The following PTPRM variants were observed in gnomAD, a reference collection of about 807,000 sequenced individuals.
The protein encoded by PTPRM is receptor-type tyrosine-protein phosphatase mu.
A neutral mutation model predicts 186.7 loss-of-function variants in PTPRM; 47 were observed. The observed-to-expected ratio is 0.25, with a 90% CI of 0.20 to 0.32. The LOEUF is 0.32. PTPRM is among the 10% of genes least tolerant of loss of function. The pLI is 1.00. For synonymous variants in PTPRM, 668 were observed against 674.9 expected (o/e 0.99, Z 0.16); for missense variants, 1,494 against 1,865.0 (o/e 0.80, Z 3.66).
chr18:7,575,740 C>T (rs1420822452), intron 1 of PTPRM, among the ~76,000 whole-genome samples: 4 of 152,150 alleles, frequency 2.6e-5, no homozygotes, highest in Non-Finnish European at 5.9e-5. Context: ...ATCTTTAGGA[C>T]ATGGCTTGTC....
At chr18:7,635,343 C>T (rs7227163) in intron 1 of PTPRM, among the ~76,000 whole-genome samples, 5,473 of 152,250 alleles carry the variant, frequency 0.036, 359 homozygotes, top group African/African-American at 0.13. Flanking sequence ...TTCCTTTCTG[C>T]TCTTCCACCA....
At chr18:7,623,783 AC>A (rs1040631395) in intron 1 of PTPRM, among the ~76,000 whole-genome samples, 4 of 151,972 alleles carry the variant, frequency 2.6e-5, no homozygotes, top group African/African-American at 9.7e-5. Context: ...CACTTTACTT[AC>A]CCCCAGAACA....
rs77792106 is a variant in PTPRM, at chr18:7,817,444, A to G, written c.196+43173A>G. Among the ~76,000 whole-genome samples the G allele has an allele frequency of 2.3e-3, 343 of 152,372 alleles. 3 individuals carry two copies. Among genetic ancestry groups the G allele is most frequent in the Non-Finnish European group, 3.4e-3 (234 of 68,036 alleles). Reference sequence around the variant, plus strand: ...AATAAGTTGATAGAAATGTAATATTAGATACCATTTGGGGTTATTATTGTA... The same window carrying G: ...AATAAGTTGATAGAAATGTAATATTGGATACCATTTGGGGTTATTATTGTA... On this transcript the variant is annotated intron_variant, in intron 2 of 32. Coordinates refer to ENST00000580170, the MANE Select transcript of PTPRM (RefSeq NM_001105244.2).
chr18:8,151,477 C>G, intron 14 of PTPRM, among the ~76,000 whole-genome samples: 1 of 130,816 alleles, frequency 7.6e-6, no homozygotes, highest in Non-Finnish European at 1.7e-5. Flanking sequence ...CCCCACCGCC[C>G]CCCCCCGCCC....
intron 31 of PTPRM, among the ~76,000 whole-genome samples, chr18:8,393,387 T>C (rs912806952): frequency 2.6e-5 from 4 of 152,234 alleles, no homozygotes; most frequent in South Asian, 2.1e-4. Flanking sequence ...TACTTTCTAC[T>C]TCTGTGTTCT....
chr18:8,210,037 GCTCATGC>G (rs71165772), intron 14 of PTPRM, among the ~76,000 whole-genome samples: 39,458 of 146,964 alleles, frequency 0.27, 5,491 homozygotes, highest in Middle Eastern at 0.5. Context: ...GGGCAAGGTG[GCTCATGC>G]CTCATGCCTA....
chr18:7,921,951 T>A (rs993518168), intron 4 of PTPRM, among the ~76,000 whole-genome samples: 1 of 152,238 alleles, frequency 6.6e-6, no homozygotes, highest in Admixed American at 6.5e-5. Flanking sequence ...TATGTCTATG[T>A]CTTTGCATTG....
At chr18:8,215,552 T>TTC (rs2094070882) in intron 14 of PTPRM, among the ~76,000 whole-genome samples, 1 of 144,754 alleles carries the variant, frequency 6.9e-6, no homozygotes, top group African/African-American at 2.5e-5. Flanking sequence ...TTTCTTTTTT[T>TTC]TTTTTTTTTT....
intron 2 of PTPRM, among the ~76,000 whole-genome samples, chr18:7,856,810 G>A (rs975939436): frequency 2.6e-5 from 4 of 151,422 alleles, no homozygotes; most frequent in Admixed American, 2.6e-4. Context: ...CCATATCTAA[G>A]CTGTAGACAG....
intron 8 of PTPRM, among the ~76,000 whole-genome samples, chr18:8,075,061 A>C (rs1239951988): frequency 6.6e-6 from 1 of 152,094 alleles, no homozygotes; most frequent in Non-Finnish European, 1.5e-5. Flanking sequence ...ATTCAGATTT[A>C]ATTGTTATAT....
At chr18:8,400,746 A>G (rs898333743) in intron 32 of PTPRM, among the ~76,000 whole-genome samples, 12 of 152,284 alleles carry the variant, frequency 7.9e-5, no homozygotes, top group Admixed American at 6.5e-4. Context: ...TAAGCCAACA[A>G]TGGACTCACA....
chr18:8,031,875 G>A (rs530153382), intron 7 of PTPRM, among the ~76,000 whole-genome samples: 1 of 152,272 alleles, frequency 6.6e-6, no homozygotes, highest in Admixed American at 6.5e-5. Context: ...AAGAGAGAAG[G>A]AGCAAGGGAT....
intron 14 of PTPRM, among the ~76,000 whole-genome samples, chr18:8,226,271 C>T (rs1403561286): frequency 7.0e-6 from 1 of 142,644 alleles, no homozygotes; most frequent in Non-Finnish European, 1.5e-5. Context: ...CCCCCAATAT[C>T]CCCCCCACAC....
chr18:7,950,016 G>T (rs994667162), intron 6 of PTPRM, among the ~76,000 whole-genome samples: 14 of 151,998 alleles, frequency 9.2e-5, no homozygotes, highest in Non-Finnish European at 2.1e-4. Context: ...TGGACTTTGA[G>T]GTGTACCATG....
At chr18:8,215,313 C>T (rs950848536) in intron 14 of PTPRM, among the ~76,000 whole-genome samples, 3 of 152,074 alleles carry the variant, frequency 2.0e-5, no homozygotes, top group South Asian at 2.1e-4. Flanking sequence ...TATTTACCAT[C>T]TCCTGCTTGG....
intron 14 of PTPRM, among the ~76,000 whole-genome samples, chr18:8,185,276 G>A (rs1000623725): frequency 6.6e-6 from 1 of 152,224 alleles, no homozygotes; most frequent in African/African-American, 2.4e-5. Context: ...CTGTCCTCTA[G>A]GGTAAGGCTG....
At chr18:7,617,052 G>C (rs1026161695) in intron 1 of PTPRM, among the ~76,000 whole-genome samples, 38 of 152,174 alleles carry the variant, frequency 2.5e-4, no homozygotes, top group African/African-American at 9.2e-4. Flanking sequence ...TAATATGTTT[G>C]AGTAGATGCC....
intron 14 of PTPRM, among the ~76,000 whole-genome samples, chr18:8,156,863 A>C (rs1472739575): frequency 2.0e-5 from 3 of 152,214 alleles, no homozygotes; most frequent in Admixed American, 6.5e-5. Flanking sequence ...CCTTTGCAGA[A>C]GCATTTTTAG....
intron 13 of PTPRM, among the ~76,000 whole-genome samples, chr18:8,116,385 G>C (rs1180211877): frequency 6.6e-6 from 1 of 152,208 alleles, no homozygotes; most frequent in Non-Finnish European, 1.5e-5. Flanking sequence ...AACAGGTACT[G>C]CTATTCTTAT....
Sources: gnomAD v4.1 joint callset for allele counts (sites outside exome capture counted in the v4.1 genomes callset) on GRCh38, gnomAD v4.1.1 for gene constraint, MANE v1.5 for transcripts, NCBI Gene and HGNC (gene_info 2026-07-23, HGNC 2026-07-21) for gene names.